The following ABHD12B variants were observed in gnomAD, a reference collection of about 807,000 sequenced individuals.
The protein encoded by ABHD12B is protein ABHD12B.
ABHD12B carries 42 observed loss-of-function variants against 50.4 expected under a neutral mutation model. The ratio of observed to expected loss-of-function variants is 0.83; its 90% CI spans 0.65 to 1.08. The LOEUF is 1.08. Ranked by LOEUF, ABHD12B falls within the 50% of genes least tolerant of loss-of-function variation. The pLI is 0.00. For synonymous variants in ABHD12B, 167 were observed against 160.3 expected (o/e 1.04, Z -0.32); for missense variants, 479 against 447.7 (o/e 1.07, Z -0.63).
At chr14:50,887,211 C>A (rs1424854779) in intron 8 of ABHD12B, among the ~76,000 whole-genome samples, 76 of 43,616 alleles carry the variant, frequency 1.7e-3, no homozygotes, top group African/African-American at 2.7e-3. Flanking sequence ...GAGTCTGTCT[C>A]AAAAAAAAAA....
chr14:50,876,683 C>A (rs1383101224), intron 1 of ABHD12B, among the ~76,000 whole-genome samples: 1 of 152,148 alleles, frequency 6.6e-6, no homozygotes, highest in Non-Finnish European at 1.5e-5. Context: ...TGTGGCTCTG[C>A]CATTCATTGA....
At chr14:50,891,322 A>G (rs1409473241) in intron 9 of ABHD12B, 2 of 152,056 alleles carry the variant, frequency 1.3e-5, no homozygotes, top group Non-Finnish European at 2.9e-5. Context: ...GGCTCACTGC[A>G]AGCTCCGCTT....
At chr14:50,902,473 C>T (rs77748744) in intron 10 of ABHD12B, among the ~76,000 whole-genome samples, 4 of 152,112 alleles carry the variant, frequency 2.6e-5, no homozygotes, top group Non-Finnish European at 5.9e-5. Context: ...GACAGAGTGA[C>T]ATCCTGTAAA....
chr14:50,878,246 C>A (rs2049890737), intron 2 of ABHD12B, among the ~76,000 whole-genome samples, 167 bp downstream of exon 2: 1 of 152,164 alleles, frequency 6.6e-6, no homozygotes, highest in African/African-American at 2.4e-5. Flanking sequence ...TAGCAGGAAT[C>A]CTTGCAAACT....
chr14:50,878,691 A>C, intron 2 of ABHD12B, 54 bp from the exon 3 acceptor site: 1 of 1,452,844 alleles, frequency 6.9e-7, no homozygotes, highest in Non-Finnish European at 9.6e-7. Context: ...TTTGATTGTG[A>C]TTAAAAGGCA....
chr14:50,881,727 C>T (rs2049952098), intron 5 of ABHD12B, 101 bp downstream of exon 5: 1 of 1,413,486 alleles, frequency 7.1e-7, no homozygotes, highest in Non-Finnish European at 1.0e-6. Context: ...TGAGAGGTCT[C>T]CAGGGTACTG....
intron 5 of ABHD12B, among the ~76,000 whole-genome samples, chr14:50,881,942 G>C: frequency 8.2e-6 from 1 of 121,600 alleles, no homozygotes. Flanking sequence ...TTTTGTTGTC[G>C]TTGTTGTGGT....
intron 9 of ABHD12B, among the ~76,000 whole-genome samples, chr14:50,898,129 G>A (rs568606438): frequency 6.6e-6 from 1 of 152,304 alleles, no homozygotes; most frequent in East Asian, 1.9e-4. Context: ...AACTGCCTGA[G>A]AGTTAATAGA....
chr14:50,880,389 G>A (rs2185300), intron 3 of ABHD12B, 63 bp from the exon 4 acceptor site: 1,483,387 of 1,488,280 alleles, frequency 1, 739,377 homozygotes, highest in East Asian at 1. Context: ...GGAGACTTTC[G>A]GCCTTTGGAA....
intron 9 of ABHD12B, among the ~76,000 whole-genome samples, chr14:50,900,915 G>C (rs1158468914): frequency 6.6e-6 from 1 of 152,204 alleles, no homozygotes; most frequent in African/African-American, 2.4e-5. Flanking sequence ...GCTACGATCT[G>C]ATTTGCACGT....
intron 10 of ABHD12B, among the ~76,000 whole-genome samples, chr14:50,903,110 G>T (rs1194161880): frequency 4.8e-4 from 68 of 141,598 alleles, no homozygotes; most frequent in African/African-American, 1.0e-3. Flanking sequence ...AGTGTTTTTT[G>T]TTTTTTTTTT....
At chr14:50,884,037 CAT>C (rs113936945) in intron 5 of ABHD12B, among the ~76,000 whole-genome samples, 2 of 140,412 alleles carry the variant, frequency 1.4e-5, no homozygotes, top group Non-Finnish European at 3.2e-5. Flanking sequence ...TCACAGTCAT[CAT>C]AGTTAGCCAG....
intron 9 of ABHD12B, among the ~76,000 whole-genome samples, chr14:50,896,677 T>C (rs1047992518): frequency 2.0e-5 from 3 of 151,194 alleles, no homozygotes; most frequent in African/African-American, 7.3e-5. Context: ...GAGCACCTTG[T>C]GACCCCCGCC....
chr14:50,877,008 G>T (rs1286187036), intron 1 of ABHD12B, among the ~76,000 whole-genome samples: 1 of 152,154 alleles, frequency 6.6e-6, no homozygotes, highest in African/African-American at 2.4e-5. Flanking sequence ...TGAGACAGAG[G>T]TGTCCTTAGT....
In ABHD12B at chr14:50,877,938, C is replaced by T; in HGVS notation, c.105-14C>T. The T allele has an allele frequency of 6.7e-7, 1 of 1,502,826 alleles. No individual in the cohort carries two copies. The highest frequency in any genetic ancestry group is 8.8e-7 in the Non-Finnish European group (1 of 1,134,038). The allele number at this position is 1,502,826 out of a possible 1,614,324, so 93.1% of individuals were successfully genotyped here. ...TAATTTCGAAAACCTTGTGTGTTTC[C>T]CAATACCTTGCAGATATTTTCCACA... On this transcript the variant is annotated splice_polypyrimidine_tract_variant and intron_variant, in intron 1 of 12. Transcript: ENST00000337334.
chr14:50,876,461 C>A (rs1049746894), intron 1 of ABHD12B, among the ~76,000 whole-genome samples: 1 of 152,114 alleles, frequency 6.6e-6, no homozygotes, highest in African/African-American at 2.4e-5. Flanking sequence ...CCTGAGAATA[C>A]AGGAGCAGGA....
At position 50,886,638 on chromosome 14, in the gene ABHD12B, G is replaced by A. The variant is rs969288124; in HGVS notation, c.663-9G>A. On this transcript the variant is annotated splice_polypyrimidine_tract_variant and intron_variant, in intron 7 of 12. Transcript: ENST00000337334. ...CTTAACACATGTACTAATTTTCATTGCTTTACAGAGTTGCAACAAATGCTG... is the reference window on the plus strand; with the variant it reads ...CTTAACACATGTACTAATTTTCATTACTTTACAGAGTTGCAACAAATGCTG... The A allele has an allele frequency of 6.2e-7, 1 of 1,607,786 alleles. No homozygotes were observed. Among genetic ancestry groups the A allele is most frequent in the Non-Finnish European group, 8.5e-7 (1 of 1,176,516 alleles).
At chr14:50,898,630 C>T (rs885375) in intron 9 of ABHD12B, among the ~76,000 whole-genome samples, 33,471 of 152,096 alleles carry the variant, frequency 0.22, 4,126 homozygotes, top group East Asian at 0.45. Flanking sequence ...TTGACCGGGG[C>T]TTGCTTTCTT....
chr14:50,898,553 A>G (rs1394307925), intron 9 of ABHD12B, among the ~76,000 whole-genome samples: 1 of 152,144 alleles, frequency 6.6e-6, no homozygotes, highest in Non-Finnish European at 1.5e-5. Context: ...GCTGGAGGGG[A>G]AGGTATGACC....
Sources: allele counts gnomAD v4.1 joint callset (sites outside exome capture counted in the v4.1 genomes callset), GRCh38; gene constraint gnomAD v4.1.1; transcripts MANE v1.5; gene names NCBI Gene and HGNC (gene_info 2026-07-23, HGNC 2026-07-21).